The following BRIP1 variants were observed in gnomAD, a reference collection of about 807,000 sequenced individuals.
BRIP1 encodes the protein BRCA1 interacting DNA helicase 1.
BRIP1 carries 88 observed loss-of-function variants against 119.7 expected under a neutral mutation model. The ratio of observed to expected loss-of-function variants is 0.74; its 90% confidence interval spans 0.62 to 0.88. BRIP1 has a LOEUF of 0.88. Ranked by LOEUF, BRIP1 falls within the 40% of genes least tolerant of loss-of-function variation. The pLI, the probability that BRIP1 is intolerant of heterozygous loss-of-function variation, is 0.00. For missense variants in BRIP1, 1,259 were observed against 1,455.4 expected (o/e 0.87, Z 2.20); for synonymous variants, 443 against 496.5 (o/e 0.89, Z 1.43).
At chr17:61,813,829 C>T (rs1005123453) in intron 6 of BRIP1, among the ~76,000 whole-genome samples, 29 of 151,984 alleles carry the variant, frequency 1.9e-4, no homozygotes, top group African/African-American at 5.1e-4. Flanking sequence ...ATCTTACTGA[C>T]AAAGAGAGCT....
At chr17:61,711,854 C>G (rs951094963) in intron 17 of BRIP1, among the ~76,000 whole-genome samples, 2 of 150,276 alleles carry the variant, frequency 1.3e-5, no homozygotes, top group Non-Finnish European at 1.5e-5. Flanking sequence ...GGAAACAGAG[C>G]AAGACTCTCT....
rs1438649670 is a variant in BRIP1, at chr17:61,767,450, G to GT, written c.2097+8950dup. On this transcript the variant is annotated intron_variant, in intron 14 of 19. Coordinates refer to ENST00000259008, the MANE Select transcript of BRIP1 (RefSeq NM_032043.3). This position sits in a 1 kb window ranked among gnomAD's most constrained non-coding sequence, Gnocchi z 5.7. The stretch of plus-strand genomic sequence containing the variant: ...ACACCTGGCTGATATTTTTTGTTTT[G>GT]TTTTTTTAAACACTGGGTCTCTCTA... Among the ~76,000 whole-genome samples the GT allele has an allele frequency of 6.6e-6, 1 of 151,696 alleles. No individual in the cohort carries two copies. The highest frequency in any genetic ancestry group is 2.4e-5 in the African/African-American group (1 of 41,312).
chr17:61,826,971 C>T (rs990708830), intron 6 of BRIP1, among the ~76,000 whole-genome samples: 2 of 152,060 alleles, frequency 1.3e-5, no homozygotes, highest in African/African-American at 2.4e-5. Context: ...CACATGCACA[C>T]GTATGTTCAT....
At chr17:61,696,942 C>T (rs1458665709) in intron 17 of BRIP1, among the ~76,000 whole-genome samples, 2 of 134,684 alleles carry the variant, frequency 1.5e-5, no homozygotes, top group Non-Finnish European at 1.5e-5. Context: ...GCTGAGATTG[C>T]GCCGCTGTAC....
chr17:61,825,625 A>AT lies in BRIP1; in HGVS notation c.628-16869dup, dbSNP rs1232400811. ...GCAATCCCATTCACAATTGCCACAA[A>AT]TAAATAAATAAATAAATAAATAAAT... On this transcript the variant is annotated intron_variant, in intron 6 of 19. Coordinates refer to ENST00000259008, the MANE Select transcript of BRIP1 (RefSeq NM_032043.3). This position sits in a 1 kb window ranked among gnomAD's most constrained non-coding sequence, Gnocchi z 4.1. 1.3e-5 allele frequency among the ~76,000 whole-genome samples: 1 copy of AT among 79,588 alleles called. No individual in the cohort carries two copies. The allele number at this position is 79,588 out of a possible 152,430, so 52.2% of individuals were successfully genotyped here.
rs767119055 is a variant in BRIP1 at position 61,693,189 on chromosome 17, C to T, written c.2575+241G>A. Among the ~76,000 whole-genome samples the T allele has an allele frequency of 6.6e-6, 1 of 151,966 alleles. No homozygotes were observed. The highest frequency in any genetic ancestry group is 1.5e-5 in the Non-Finnish European group (1 of 67,986). On this transcript the variant is annotated intron_variant, in intron 18 of 19. Transcript: ENST00000259008. This position sits in a 1 kb window ranked among gnomAD's most constrained non-coding sequence, Gnocchi z 4.2. ...AAACTAATAGAAGCAGAAAGTATAG[C>T]GGTGGTTGTCAGTGGACAGGGGGGA...
intron 10 of BRIP1, among the ~76,000 whole-genome samples, chr17:61,787,200 A>AT (rs2077735688): frequency 1.5e-5 from 1 of 67,252 alleles, no homozygotes. Context: ...TATACTATAT[A>AT]AAATATATAA....
chr17:61,789,900 C>G lies in BRIP1; in HGVS notation c.1473+3697G>C, dbSNP rs187488715. ...GTTTATGAGTCATTTTTCTTTGTGCCATTCTGTATTTTCCAGTTTTTTTCC... is the reference window on the plus strand; with the variant it reads ...GTTTATGAGTCATTTTTCTTTGTGCGATTCTGTATTTTCCAGTTTTTTTCC... On this transcript the variant is annotated intron_variant, in intron 10 of 19. Coordinates refer to ENST00000259008, the MANE Select transcript of BRIP1 (RefSeq NM_032043.3). This position sits in a 1 kb window ranked among gnomAD's most constrained non-coding sequence, Gnocchi z 4.8. 6.6e-6 allele frequency among the ~76,000 whole-genome samples: 1 copy of G among 152,084 alleles called. No homozygotes were observed. Among genetic ancestry groups the G allele is most frequent in the African/African-American group, 2.4e-5 (1 of 41,402 alleles).
chr17:61,820,241 A>T (rs1480262782), intron 6 of BRIP1, among the ~76,000 whole-genome samples: 3 of 152,212 alleles, frequency 2.0e-5, no homozygotes, highest in African/African-American at 7.2e-5. Flanking sequence ...CTAATATGGC[A>T]GATTAGGTAC....
At chr17:61,719,107 T>C (rs922589833) in intron 16 of BRIP1, among the ~76,000 whole-genome samples, 2 of 151,944 alleles carry the variant, frequency 1.3e-5, no homozygotes, top group African/African-American at 4.8e-5. Flanking sequence ...TGTATTTTTG[T>C]AGTAGAAGCC....
chr17:61,723,156 T>A (rs2062010197), intron 16 of BRIP1, among the ~76,000 whole-genome samples: 1 of 152,236 alleles, frequency 6.6e-6, no homozygotes, highest in Admixed American at 6.5e-5. Flanking sequence ...TATTTCATTG[T>A]ACACTTAGGG....
chr17:61,807,459 G>T lies in BRIP1; in HGVS notation c.918+1008C>A, dbSNP rs982006099. ...CTACTTATACTTTATAATCTCGTTT[G>T]AATATCTGTTAAAGTATCTTTTGAC... On this transcript the variant is annotated intron_variant, in intron 7 of 19. Transcript: ENST00000259008. The surrounding 1 kb of genome is among the most constrained non-coding windows in gnomAD (Gnocchi z 4.5). Among the ~76,000 whole-genome samples, 1 of 152,062 alleles carries T rather than the reference G, an allele frequency of 6.6e-6. No individual in the cohort carries two copies. Among genetic ancestry groups the T allele is most frequent in the Admixed American group, 6.5e-5 (1 of 15,270 alleles).
intron 6 of BRIP1, among the ~76,000 whole-genome samples, chr17:61,820,893 T>C (rs1037742520): frequency 1.3e-5 from 2 of 148,688 alleles, no homozygotes; most frequent in African/African-American, 5.0e-5. Context: ...GAGGTTGCAG[T>C]GGGCTGAGAT....
rs937933146 is a variant in BRIP1, at chr17:61,775,191, G to A, written c.2097+1210C>T. ...TAGTTTTCCTAAATATAACTGTTTG[G>A]TGTAGATGTTCACACTGGAATAAAT... On this transcript the variant is annotated intron_variant, in intron 14 of 19. Transcript: ENST00000259008. This position sits in a 1 kb window ranked among gnomAD's most constrained non-coding sequence, Gnocchi z 4.4. Among the ~76,000 whole-genome samples the A allele has an allele frequency of 1.3e-5, 2 of 152,118 alleles. No homozygotes were observed. Among genetic ancestry groups the A allele is most frequent in the African/African-American group, 2.4e-5 (1 of 41,432 alleles).
chr17:61,772,839 A>G (rs972422231), intron 14 of BRIP1, among the ~76,000 whole-genome samples: 1 of 151,276 alleles, frequency 6.6e-6, no homozygotes, highest in Non-Finnish European at 1.5e-5. Context: ...AAAAAAAAAA[A>G]AAAACCTAAA....
rs967990632 is a variant in BRIP1 at position 61,742,674 on chromosome 17, C to T, written c.2379+339G>A. ...GAATACATACATCACTTATGAATTACGTTTGCTCTCTTATGTGGGTACAGT... is the reference window on the plus strand; with the variant it reads ...GAATACATACATCACTTATGAATTATGTTTGCTCTCTTATGTGGGTACAGT... On this transcript the variant is annotated intron_variant, in intron 16 of 19. Coordinates refer to ENST00000259008, the MANE Select transcript of BRIP1 (RefSeq NM_032043.3). The surrounding 1 kb of genome is among the most constrained non-coding windows in gnomAD (Gnocchi z 4.7). Among the ~76,000 whole-genome samples, 5 of 152,108 alleles carry T rather than the reference C, an allele frequency of 3.3e-5. No homozygotes were observed. Among genetic ancestry groups the T allele is most frequent in the Admixed American group, 6.6e-5 (1 of 15,254 alleles).
At chr17:61,772,635 C>G (rs1453463395) in intron 14 of BRIP1, among the ~76,000 whole-genome samples, 1 of 151,664 alleles carries the variant, frequency 6.6e-6, no homozygotes, top group Non-Finnish European at 1.5e-5. Context: ...CCTGACCAAC[C>G]TGGAGAAACC....
At position 61,684,131 on chromosome 17, in the gene BRIP1, A is replaced by C. The variant is rs2061326725; in HGVS notation, c.2915T>G (p.Val972Gly). The change falls in exon 20 of 20, where the codon GTA becomes GGA. Residue 972 changes from valine (V) to glycine (G), a missense_variant. By Grantham distance (109) the Val-to-Gly change is moderately radical. This residue lies in a region of BRIP1 where 753 missense variants were observed against 891.8 expected (regional missense o/e 0.84). Coordinates refer to ENST00000259008, the MANE Select transcript of BRIP1 (RefSeq NM_032043.3). The surrounding 1 kb of genome is among the most constrained non-coding windows in gnomAD (Gnocchi z 4.5). ...IISRKEKNDP[V>G]FLEEAGKAEK... is the part of the protein sequence containing the mutation. ...TGCTTTCCCTGCTTCTTCCAGGAAT[A>C]CTGGATCATCTAAGAATACAAGAAT... The C allele has an allele frequency of 8.1e-6, 13 of 1,613,428 alleles. No individual in the cohort carries two copies. Among genetic ancestry groups the C allele is most frequent in the African/African-American group, 2.7e-5 (2 of 74,912 alleles).
At chr17:61,850,104 C>CTTT (rs144151549) in intron 4 of BRIP1, among the ~76,000 whole-genome samples, 4 of 139,886 alleles carry the variant, frequency 2.9e-5, no homozygotes, top group Non-Finnish European at 4.6e-5. Flanking sequence ...TTTTAACCAT[C>CTTT]TTTTTTTTTT....
Sources: gnomAD v4.1 joint callset for allele counts (sites outside exome capture counted in the v4.1 genomes callset) on GRCh38, gnomAD v4.1.1 for gene constraint, gnomAD v4.1.1 regional missense constraint, Gnocchi (gnomAD v3.1) non-coding constraint, MANE v1.5 for transcripts, NCBI Gene and HGNC (gene_info 2026-07-23, HGNC 2026-07-21) for gene names.